The following RNF185 variants were observed in gnomAD, a reference collection of about 807,000 sequenced individuals.
RNF185 encodes ring finger protein 185, also known as E3 ubiquitin-protein ligase RNF185.
RNF185 carries 13 observed loss-of-function variants against 24.9 expected under a neutral mutation model. That is an observed-to-expected ratio of 0.52 (90% confidence interval 0.34 to 0.83). The LOEUF (loss-of-function observed/expected upper bound fraction) is 0.83. RNF185 is among the 40% of genes least tolerant of loss of function. The pLI, the probability that RNF185 is intolerant of heterozygous loss-of-function variation, is 0.01. For missense variants in RNF185, 184 were observed against 244.7 expected (o/e 0.75, Z 1.65); for synonymous variants, 79 against 90.3 (o/e 0.88, Z 0.71).
At chr22:31,183,273 G>C (rs2048057964) in intron 1 of RNF185, among the ~76,000 whole-genome samples, 1 of 152,138 alleles carries the variant, frequency 6.6e-6, no homozygotes, top group South Asian at 2.1e-4. Context: ...ACGCAAACAT[G>C]TTTCATTGGT....
At chr22:31,192,217 G>C (rs2048162651) in intron 2 of RNF185, among the ~76,000 whole-genome samples, 1 of 152,204 alleles carries the variant, frequency 6.6e-6, no homozygotes, top group East Asian at 1.9e-4. Context: ...CACATCCCTT[G>C]TGAGCCCGAG....
intron 1 of RNF185, among the ~76,000 whole-genome samples, chr22:31,178,510 G>C (rs2048004487): frequency 1.3e-5 from 2 of 152,166 alleles, no homozygotes; most frequent in Admixed American, 1.3e-4. Flanking sequence ...AATCTCTGAA[G>C]GGATCTGGGA....
chr22:31,177,762 T>C (rs2047996708), intron 1 of RNF185, among the ~76,000 whole-genome samples: 1 of 152,236 alleles, frequency 6.6e-6, no homozygotes, highest in South Asian at 2.1e-4. Flanking sequence ...TCTTCATATC[T>C]AAGATTAACA....
chr22:31,167,359 T>C (rs577720861), intron 1 of RNF185, among the ~76,000 whole-genome samples: 2 of 152,108 alleles, frequency 1.3e-5, no homozygotes, highest in African/African-American at 4.8e-5. Context: ...AAATGTACAA[T>C]TCAGTGGCAT....
Position 31,175,411 on chromosome 22 carries a change from G to A in RNF185, c.-48-11636G>A, listed in dbSNP as rs538153755. On this transcript the variant is annotated intron_variant, in intron 1 of 6. Transcript: ENST00000326132. ...GGAGGTTGCAGTGAGCCGAGATCACGCCATTGCACTCCATCCTGGGCAACA... is the reference window on the plus strand; with the variant it reads ...GGAGGTTGCAGTGAGCCGAGATCACACCATTGCACTCCATCCTGGGCAACA... Among the ~76,000 whole-genome samples the A allele has an allele frequency of 5.3e-5, 8 of 150,042 alleles. No homozygotes were observed. The East Asian group carries it at 9.8e-4, about 18-fold the overall frequency.
chr22:31,202,889 C>T (rs2048277148), intron 6 of RNF185, among the ~76,000 whole-genome samples: 1 of 152,208 alleles, frequency 6.6e-6, no homozygotes, highest in African/African-American at 2.4e-5. Context: ...GCTGGGATTA[C>T]AGGCGTGAGC....
At chr22:31,171,174 T>TATTTATTTATTC (rs1211091429) in intron 1 of RNF185, among the ~76,000 whole-genome samples, 1 of 150,646 alleles carries the variant, frequency 6.6e-6, no homozygotes, top group Non-Finnish European at 1.5e-5. Context: ...TTTATTTATT[T>TATTTATTTATTC]ATTTATTTAT....
intron 1 of RNF185, among the ~76,000 whole-genome samples, chr22:31,168,709 A>G (rs1924091208): frequency 6.6e-6 from 1 of 152,162 alleles, no homozygotes. Flanking sequence ...CTATTTCTCT[A>G]CATCCTTGCC....
intron 1 of RNF185, among the ~76,000 whole-genome samples, chr22:31,176,906 A>G (rs992843109): frequency 1.3e-5 from 2 of 152,184 alleles, no homozygotes; most frequent in Non-Finnish European, 2.9e-5. Flanking sequence ...GTACCAGTTT[A>G]TTTAACCAGG....
intron 1 of RNF185, among the ~76,000 whole-genome samples, chr22:31,173,273 A>G (rs2047947600): frequency 6.6e-6 from 1 of 151,546 alleles, no homozygotes; most frequent in East Asian, 1.9e-4. Context: ...ATTGACTCTA[A>G]GTTATGTAAC....
chr22:31,192,606 C>T lies in RNF185; in HGVS notation c.177-78C>T, dbSNP rs2048165890. On this transcript the variant is annotated intron_variant, in intron 2 of 6. Transcript: ENST00000326132. ...CTACCACTCCACCCATCAAGTGTTT[C>T]TGCTAATGAAAACATTTTTCTTCCT... The T allele has an allele frequency of 1.1e-5, 14 of 1,270,800 alleles. 1 individual carries two copies. The South Asian group carries it at 1.3e-4, about 12-fold the overall frequency. 78.7% of individuals were successfully genotyped at this position (1,270,800 alleles called of 1,614,324 possible).
At chr22:31,168,106 CT>C (rs1056495913) in intron 1 of RNF185, among the ~76,000 whole-genome samples, 3 of 152,176 alleles carry the variant, frequency 2.0e-5, no homozygotes, top group African/African-American at 2.4e-5. Context: ...CTTCTTCCCC[CT>C]AGCCACTGCC....
chr22:31,169,369 T>A (rs975667113), intron 1 of RNF185, among the ~76,000 whole-genome samples: 16 of 152,358 alleles, frequency 1.1e-4, no homozygotes, highest in Non-Finnish European at 1.9e-4. Flanking sequence ...ACAAAATTTT[T>A]AAATTTTTAT....
At chr22:31,176,045 G>A (rs1044661650) in intron 1 of RNF185, among the ~76,000 whole-genome samples, 1 of 152,078 alleles carries the variant, frequency 6.6e-6, no homozygotes, top group Non-Finnish European at 1.5e-5. Context: ...TTACAGATGT[G>A]AGCCACCATG....
At chr22:31,162,379 G>A (rs1056082570) in intron 1 of RNF185, among the ~76,000 whole-genome samples, 2 of 152,140 alleles carry the variant, frequency 1.3e-5, no homozygotes, top group Admixed American at 1.3e-4. Context: ...TTAAAGAAGT[G>A]TCTGAATTGA....
intron 2 of RNF185, among the ~76,000 whole-genome samples, chr22:31,187,856 C>T (rs1005577636): frequency 2.0e-5 from 3 of 152,094 alleles, no homozygotes; most frequent in South Asian, 2.1e-4. Flanking sequence ...CCAGCCTTGA[C>T]GGTTACAGGA....
intron 1 of RNF185, among the ~76,000 whole-genome samples, chr22:31,175,532 T>C (rs1214609885): frequency 2.0e-5 from 3 of 152,100 alleles, no homozygotes; most frequent in Non-Finnish European, 2.9e-5. Flanking sequence ...AAATGTCTTA[T>C]GTATTTCTCA....
intron 1 of RNF185, chr22:31,182,908 T>TTA (rs1555881897): frequency 7.0e-6 from 1 of 143,060 alleles, no homozygotes; most frequent in Non-Finnish European, 1.5e-5. Context: ...ATTTATTTTA[T>TTA]TTATTATTAT....
chr22:31,199,025 G>A (rs1397204452), intron 5 of RNF185, among the ~76,000 whole-genome samples: 2 of 150,900 alleles, frequency 1.3e-5, no homozygotes, highest in African/African-American at 2.4e-5. Context: ...ACTTGAACTC[G>A]GGAGGCAGAG....
Sources: gnomAD v4.1 joint callset for allele counts (sites outside exome capture counted in the v4.1 genomes callset) on GRCh38, gnomAD v4.1.1 for gene constraint, MANE v1.5 for transcripts, NCBI Gene and HGNC (gene_info 2026-07-23, HGNC 2026-07-21) for gene names.